Variants in ADCY9 observed in about 807,000 individuals in gnomAD.
ADCY9 encodes adenylate cyclase type 9.
In ADCY9, 50 loss-of-function variants were observed where a neutral mutation model predicts 101.5. The ratio of observed to expected loss-of-function variants is 0.49; its 90% confidence interval spans 0.39 to 0.62. The LOEUF (loss-of-function observed/expected upper bound fraction) is 0.62, where lower values mean the gene tolerates loss of function less well. Among genes scored for constraint, ADCY9 ranks in the 20% least tolerant of loss-of-function variants. The pLI is 0.00. For synonymous variants in ADCY9, 905 were observed against 769.3 expected (o/e 1.18, Z -2.92); for missense variants, 1,662 against 1,800.4 (o/e 0.92, Z 1.39).
At chr16:4,097,530 T>C (rs1463184619) in intron 2 of ADCY9, among the ~76,000 whole-genome samples, 3 of 59,516 alleles carry the variant, frequency 5.0e-5, no homozygotes, top group Non-Finnish European at 8.1e-5. Context: ...CATATGTACA[T>C]ATATATATAT....
At chr16:3,980,553 GC>G (rs2056132566) in intron 7 of ADCY9, among the ~76,000 whole-genome samples, 2 of 152,146 alleles carry the variant, frequency 1.3e-5, no homozygotes, top group African/African-American at 4.8e-5. Context: ...CTGGCACAGA[GC>G]CCCCCGCCCC....
At chr16:4,066,121 T>C (rs1215879877) in intron 2 of ADCY9, among the ~76,000 whole-genome samples, 1 of 152,214 alleles carries the variant, frequency 6.6e-6, no homozygotes, top group Non-Finnish European at 1.5e-5. Flanking sequence ...GGAATGGGTA[T>C]GAACTTGCCT....
At chr16:4,054,419 A>G (rs970793069) in intron 2 of ADCY9, among the ~76,000 whole-genome samples, 15 of 152,140 alleles carry the variant, frequency 9.9e-5, no homozygotes, top group African/African-American at 3.4e-4. Flanking sequence ...AAGACTTCGC[A>G]GGGCTCGGTT....
chr16:4,083,844 G>C (rs2056920397), intron 2 of ADCY9, among the ~76,000 whole-genome samples: 1 of 152,136 alleles, frequency 6.6e-6, no homozygotes, highest in Non-Finnish European at 1.5e-5. Context: ...GGGGCTGCCA[G>C]GGGCTGGGAG....
At chr16:4,055,394 C>A (rs1345340939) in intron 2 of ADCY9, among the ~76,000 whole-genome samples, 1 of 151,928 alleles carries the variant, frequency 6.6e-6, no homozygotes, top group Non-Finnish European at 1.5e-5. Context: ...ATTAGCTGGG[C>A]ATAGTGGCAC....
intron 3 of ADCY9, among the ~76,000 whole-genome samples, chr16:3,997,087 A>C (rs2056293054): frequency 6.6e-6 from 1 of 151,832 alleles, no homozygotes; most frequent in African/African-American, 2.4e-5. Context: ...CTGGTCTCGA[A>C]CTCCTGGCCT....
intron 5 of ADCY9, 148 bp downstream of exon 5, chr16:3,991,998 G>C: frequency 1.4e-6 from 1 of 720,782 alleles, no homozygotes; most frequent in Non-Finnish European, 2.2e-6. Context: ...TTGAACCTGG[G>C]AGATAGAGGC....
intron 2 of ADCY9, among the ~76,000 whole-genome samples, chr16:4,011,765 G>A (rs1189692292): frequency 6.6e-6 from 1 of 152,084 alleles, no homozygotes; most frequent in Non-Finnish European, 1.5e-5. Context: ...GGGAGGACAG[G>A]AGCAGGGCTA....
intron 3 of ADCY9, among the ~76,000 whole-genome samples, chr16:4,000,250 T>C (rs570370808): frequency 1.1e-4 from 16 of 152,282 alleles, no homozygotes; most frequent in African/African-American, 3.9e-4. Flanking sequence ...CTATGATCGG[T>C]TCCATTTTAC....
rs2057127938 is a variant in ADCY9 at position 4,113,689 on chromosome 16, TTTTAA to T, written c.1693+56_1693+60del. 5.2e-5 allele frequency: 79 copies of T among 1,531,084 alleles called. No individual in the cohort carries two copies. The South Asian group carries it at 9.0e-4, about 17-fold the overall frequency. 94.8% of individuals were successfully genotyped at this position (1,531,084 alleles called of 1,614,324 possible). Reference sequence around the variant, plus strand: ...AGACACTGAGGCTGGAAGCTTTTTTTTTTAATTTAATACAATCAGGATCAGGGAGG... The same window carrying T: ...AGACACTGAGGCTGGAAGCTTTTTTTTTTAATACAATCAGGATCAGGGAGG... On this transcript the variant is annotated intron_variant, in intron 2 of 10. Coordinates refer to ENST00000294016, the MANE Select transcript of ADCY9 (RefSeq NM_001116.4).
chr16:4,082,346 C>A (rs1229210132), intron 2 of ADCY9, among the ~76,000 whole-genome samples: 1 of 152,104 alleles, frequency 6.6e-6, no homozygotes, highest in East Asian at 1.9e-4. Context: ...CACTGCACAC[C>A]AGCCAGGGCA....
intron 5 of ADCY9, among the ~76,000 whole-genome samples, chr16:3,989,645 G>C (rs2056228119): frequency 6.6e-6 from 1 of 152,212 alleles, no homozygotes; most frequent in Non-Finnish European, 1.5e-5. Flanking sequence ...CTCCCAAAGT[G>C]CTGGGATGAC....
At chr16:3,955,970 C>T (rs2055904275) in intron 5 of ADCY9, among the ~76,000 whole-genome samples, 1 of 152,136 alleles carries the variant, frequency 6.6e-6, no homozygotes, top group Non-Finnish European at 1.5e-5. Flanking sequence ...TCAAGCGATC[C>T]TCCCAACGCA....
At chr16:3,977,437 G>T in intron 9 of ADCY9, 45 bp downstream of exon 9, 1 of 1,534,468 alleles carries the variant, frequency 6.5e-7, no homozygotes. Context: ...CCTCGGGCAA[G>T]GTGGCCACGC....
At chr16:4,018,301 C>T (rs1365191281) in intron 2 of ADCY9, among the ~76,000 whole-genome samples, 1 of 151,276 alleles carries the variant, frequency 6.6e-6, no homozygotes, top group Non-Finnish European at 1.5e-5. Context: ...GCAACCTCTG[C>T]CTCCCGGGTT....
chr16:4,081,984 C>T (rs1433525309), intron 2 of ADCY9, among the ~76,000 whole-genome samples: 2 of 152,014 alleles, frequency 1.3e-5, no homozygotes, highest in Non-Finnish European at 1.5e-5. Context: ...TGAGGCCAAG[C>T]TGGAGAACTG....
intron 2 of ADCY9, among the ~76,000 whole-genome samples, chr16:4,022,062 T>G (rs923288556): frequency 2.0e-5 from 3 of 152,218 alleles, no homozygotes; most frequent in African/African-American, 7.2e-5. Context: ...CTGACTAGCC[T>G]TCCCTCAGCC....
At chr16:4,078,189 A>G (rs1275820088) in intron 2 of ADCY9, among the ~76,000 whole-genome samples, 2 of 152,222 alleles carry the variant, frequency 1.3e-5, no homozygotes, top group Admixed American at 6.5e-5. Context: ...GTGAATGTTC[A>G]CAGCAACTCT....
intron 2 of ADCY9, among the ~76,000 whole-genome samples, chr16:4,097,551 A>AT (rs1385822000): frequency 0.068 from 3,464 of 50,600 alleles, 214 homozygotes; most frequent in Non-Finnish European, 0.093. Flanking sequence ...ATATATATAT[A>AT]TATTTTTTTT....
Sources: gnomAD v4.1 joint callset for allele counts (sites outside exome capture counted in the v4.1 genomes callset) on GRCh38, gnomAD v4.1.1 for gene constraint, MANE v1.5 for transcripts, NCBI Gene and HGNC (gene_info 2026-07-23, HGNC 2026-07-21) for gene names.